AP4S1: variants seen among roughly 807,000 people sequenced by gnomAD.
AP4S1 encodes the protein AP-4 complex subunit sigma-1.
AP4S1 carries 23 observed loss-of-function variants against 19.8 expected under a neutral mutation model. The observed-to-expected ratio is 1.16, with a 90% CI of 0.84 to 1.65. The LOEUF (loss-of-function observed/expected upper bound fraction) is 1.65. Ranked by LOEUF, AP4S1 falls within the 40% of genes most tolerant of loss-of-function variation. AP4S1 has a pLI of 0.00. For synonymous variants in AP4S1, 46 were observed against 54.1 expected (o/e 0.85, Z 0.66); for missense variants, 166 against 172.8 (o/e 0.96, Z 0.22).
At chr14:31,035,554 C>A (rs1884695026) in intron 1 of AP4S1, among the ~76,000 whole-genome samples, 1 of 148,612 alleles carries the variant, frequency 6.7e-6, no homozygotes, top group South Asian at 2.1e-4. Flanking sequence ...TCTCAAAAAA[C>A]AATTTTTTAA....
At chr14:31,055,107 A>G (rs142313815) in intron 1 of AP4S1, among the ~76,000 whole-genome samples, 36 of 149,974 alleles carry the variant, frequency 2.4e-4, no homozygotes, top group Admixed American at 6.7e-4. Flanking sequence ...ATAATTAAAT[A>G]TATATATTAC....
chr14:31,043,557 G>A (rs1885230334), intron 1 of AP4S1, among the ~76,000 whole-genome samples: 1 of 152,154 alleles, frequency 6.6e-6, no homozygotes. Flanking sequence ...GGAGAGAAAG[G>A]AGGTTCTGGA....
chr14:31,039,216 C>T (rs1275101073), intron 1 of AP4S1, among the ~76,000 whole-genome samples: 1 of 151,978 alleles, frequency 6.6e-6, no homozygotes, highest in Admixed American at 6.6e-5. Context: ...GATGGAGTCT[C>T]GCTCTGTCGC....
intron 1 of AP4S1, among the ~76,000 whole-genome samples, chr14:31,055,104 AATATATATATTACATTAT>A (rs1021548211): frequency 4.2e-4 from 63 of 150,038 alleles, no homozygotes; most frequent in African/African-American, 1.2e-3. Flanking sequence ...TAAATAATTA[AATATATATATTACATTAT>A]ATATATATAT....
intron 4 of AP4S1, 98 bp from the exon 5 acceptor site, chr14:31,080,475 C>T (rs755965842): frequency 4.9e-6 from 5 of 1,021,754 alleles, no homozygotes; most frequent in Non-Finnish European, 7.6e-6. Context: ...GGAGAGGCCG[C>T]TGCTATGGAC....
chr14:31,042,258 A>G (rs1261621063), intron 1 of AP4S1, among the ~76,000 whole-genome samples: 1 of 152,224 alleles, frequency 6.6e-6, no homozygotes, highest in Non-Finnish European at 1.5e-5. Flanking sequence ...CAGTAATGGG[A>G]AGCTTGGGTC....
At chr14:31,036,010 G>C (rs145458326) in intron 1 of AP4S1, among the ~76,000 whole-genome samples, 1 of 152,000 alleles carries the variant, frequency 6.6e-6, no homozygotes, top group Non-Finnish European at 1.5e-5. Flanking sequence ...GATTACAGGC[G>C]TGAGCCACCG....
chr14:31,025,793 T>C lies in AP4S1; in HGVS notation c.-72+6T>C. The C allele has an allele frequency of 6.9e-7, 1 of 1,449,088 alleles. No individual in the cohort carries two copies. Among genetic ancestry groups the C allele is most frequent in the Non-Finnish European group, 9.2e-7 (1 of 1,082,256 alleles). The allele number at this position is 1,449,088 out of a possible 1,614,324, so 89.8% of individuals were successfully genotyped here. On this transcript the variant is annotated splice_donor_region_variant and intron_variant, in intron 1 of 5. Transcript: ENST00000542754. ...TCACAACCTGAGCAGCACAGGTAGGTTCCGCTCGGCCTCCCAAGGCGCCGG... is the reference window on the plus strand; with the variant it reads ...TCACAACCTGAGCAGCACAGGTAGGCTCCGCTCGGCCTCCCAAGGCGCCGG...
At chr14:31,059,352 G>A (rs2139536781) in intron 1 of AP4S1, among the ~76,000 whole-genome samples, 1 of 152,270 alleles carries the variant, frequency 6.6e-6, no homozygotes, top group East Asian at 1.9e-4. Context: ...GTGCTTGTAA[G>A]GTAGAAACCA....
At chr14:31,088,675 G>A (rs1331868233) in intron 5 of AP4S1, among the ~76,000 whole-genome samples, 1 of 151,962 alleles carries the variant, frequency 6.6e-6, no homozygotes, top group Non-Finnish European at 1.5e-5. Flanking sequence ...GGGCGTGGTG[G>A]CACGCACCAG....
intron 2 of AP4S1, among the ~76,000 whole-genome samples, chr14:31,067,380 G>A (rs925699475): frequency 2.0e-5 from 3 of 150,952 alleles, no homozygotes; most frequent in Admixed American, 6.6e-5. Context: ...CCGTTAACTC[G>A]TCATTTACAT....
At chr14:31,026,027 T>C in intron 1 of AP4S1, 1 of 1,538,698 alleles carries the variant, frequency 6.5e-7, no homozygotes, top group South Asian at 1.2e-5. Context: ...GCTCGGGGCC[T>C]GCCGCGGGAC....
intron 1 of AP4S1, among the ~76,000 whole-genome samples, chr14:31,059,198 T>A (rs573105658): frequency 6.6e-6 from 1 of 152,246 alleles, no homozygotes; most frequent in African/African-American, 2.4e-5. Flanking sequence ...GTCTAATGTT[T>A]AAGAGCATGC....
intron 1 of AP4S1, among the ~76,000 whole-genome samples, chr14:31,058,767 C>T (rs926771593): frequency 1.5e-4 from 22 of 149,178 alleles, no homozygotes; most frequent in Non-Finnish European, 1.5e-5. Context: ...GTAGACATGG[C>T]GTCTCACTGT....
chr14:31,049,432 T>TATATATATATATATAC (rs1885632919), intron 1 of AP4S1, among the ~76,000 whole-genome samples: 1 of 44,964 alleles, frequency 2.2e-5, no homozygotes, highest in Non-Finnish European at 3.6e-5. Flanking sequence ...AAAAAAAATA[T>TATATATATATATATAC]ATATATATAT....
At chr14:31,080,727 T>C (rs1887593557) in intron 5 of AP4S1, 143 bp downstream of exon 5, 1 of 1,198,992 alleles carries the variant, frequency 8.3e-7, no homozygotes, top group East Asian at 2.3e-5. Flanking sequence ...GCCAGAGGTG[T>C]GTGTGTTCTG....
At chr14:31,058,477 A>G (rs1886245660) in intron 1 of AP4S1, among the ~76,000 whole-genome samples, 1 of 151,104 alleles carries the variant, frequency 6.6e-6, no homozygotes, top group Non-Finnish European at 1.5e-5. Flanking sequence ...TGTAGCATCT[A>G]CTGACTTCCT....
intron 1 of AP4S1, among the ~76,000 whole-genome samples, chr14:31,030,482 A>G (rs1884324343): frequency 6.6e-6 from 1 of 151,968 alleles, no homozygotes; most frequent in African/African-American, 2.4e-5. Flanking sequence ...AGCTAAGACT[A>G]CCTGTACACA....
intron 1 of AP4S1, among the ~76,000 whole-genome samples, chr14:31,038,820 A>C (rs369482193): frequency 6.6e-6 from 1 of 152,170 alleles, no homozygotes; most frequent in African/African-American, 2.4e-5. Flanking sequence ...AGCACTTCCT[A>C]TTGTTATTAT....
Sources: allele counts gnomAD v4.1 joint callset (sites outside exome capture counted in the v4.1 genomes callset), GRCh38; gene constraint gnomAD v4.1.1; transcripts MANE v1.5; gene names NCBI Gene and HGNC (gene_info 2026-07-23, HGNC 2026-07-21).